The following CGGBP1 variants were observed in gnomAD, a reference collection of about 807,000 sequenced individuals.
The protein encoded by CGGBP1 is CGG triplet repeat binding protein 1, also known as CGG triplet repeat-binding protein 1.
A neutral mutation model predicts 11.4 loss-of-function variants in CGGBP1; 4 were observed. The observed-to-expected ratio is 0.35, with a 90% CI of 0.17 to 0.80. The LOEUF is 0.80. Among genes scored for constraint, CGGBP1 ranks in the 30% least tolerant of loss-of-function variants. The pLI, the probability that CGGBP1 is intolerant of heterozygous loss-of-function variation, is 0.52. For synonymous variants in CGGBP1, 76 were observed against 74.1 expected (o/e 1.03, Z -0.13); for missense variants, 135 against 202.1 (o/e 0.67, Z 2.01).
chr3:88,097,826 T>C (rs960737330), intron 2 of CGGBP1, among the ~76,000 whole-genome samples: 2 of 152,158 alleles, frequency 1.3e-5, no homozygotes, highest in Non-Finnish European at 2.9e-5. Flanking sequence ...GCGACACATT[T>C]AAAGCAGTGT....
intron 2 of CGGBP1, among the ~76,000 whole-genome samples, chr3:88,090,850 T>G (rs114726730): frequency 5.1e-4 from 77 of 152,210 alleles, no homozygotes; most frequent in African/African-American, 1.8e-3. Context: ...ACTGACGACA[T>G]CTGATAAGCT....
chr3:88,096,907 A>G (rs1160560238), intron 2 of CGGBP1, among the ~76,000 whole-genome samples: 1 of 152,128 alleles, frequency 6.6e-6, no homozygotes, highest in Non-Finnish European at 1.5e-5. Flanking sequence ...AAAACCTCAT[A>G]TTATCATTTT....
At chr3:88,135,677 G>A (rs770252551) in intron 2 of CGGBP1, among the ~76,000 whole-genome samples, 1 of 152,050 alleles carries the variant, frequency 6.6e-6, no homozygotes, top group Admixed American at 6.6e-5. Context: ...GTAAAAATGT[G>A]TTACCTCTTT....
chr3:88,077,391 T>C (rs1424425251), intron 2 of CGGBP1, among the ~76,000 whole-genome samples: 2 of 150,842 alleles, frequency 1.3e-5, no homozygotes, highest in Non-Finnish European at 2.9e-5. Context: ...TGGAGTACAG[T>C]GGCGCGATCT....
In CGGBP1 at chr3:88,109,386, T is replaced by A. The variant is rs118033995; in HGVS notation, c.-229+31584A>T. ...ATAGAAAGAGTTCTTAAAAGTTGAGTGTTTTAAATAAAATGTGGGTAAGAG... is the reference window on the plus strand; with the variant it reads ...ATAGAAAGAGTTCTTAAAAGTTGAGAGTTTTAAATAAAATGTGGGTAAGAG... On this transcript the variant is annotated intron_variant, in intron 2 of 3. Transcript: ENST00000462901. Among the ~76,000 whole-genome samples the A allele has an allele frequency of 6.2e-4, 94 of 152,154 alleles. No individual in the cohort carries two copies. In the East Asian group the frequency reaches 0.015, roughly 25 times the overall value.
chr3:88,053,814 T>C lies in CGGBP1; in HGVS notation c.*1659A>G, dbSNP rs1355536515. 6.6e-6 allele frequency: 1 copy of C among 152,614 alleles called. No individual in the cohort carries two copies. The highest frequency in any genetic ancestry group is 2.4e-5 in the African/African-American group (1 of 41,464). 9.5% of individuals were successfully genotyped at this position (152,614 alleles called of 1,614,324 possible). A position where few individuals can be genotyped will look rare whatever the true frequency, so the allele number is the denominator to read the frequency against. ...TTATGTTTTGCTGCTGGTCTCCTCA[T>C]ACATGTGCTTCATCAACGAGAGCAC... On this transcript the variant is annotated 3_prime_UTR_variant, in exon 4 of 4. Coordinates refer to ENST00000482016, the MANE Select transcript of CGGBP1 (RefSeq NM_001008390.2).
chr3:88,115,500 C>T (rs1234160802), intron 2 of CGGBP1, among the ~76,000 whole-genome samples: 1 of 152,138 alleles, frequency 6.6e-6, no homozygotes, highest in African/African-American at 2.4e-5. Flanking sequence ...GCAGTAGAGC[C>T]TGTCTGGTGA....
chr3:88,140,390 T>A (rs1707047012), intron 2 of CGGBP1: 3 of 1,613,170 alleles, frequency 1.9e-6, no homozygotes, highest in South Asian at 1.1e-5. Context: ...AGAAACAAAC[T>A]ATTAGTCTGC....
chr3:88,114,882 G>A (rs939341235), intron 2 of CGGBP1, among the ~76,000 whole-genome samples: 3 of 152,178 alleles, frequency 2.0e-5, no homozygotes, highest in African/African-American at 7.2e-5. Context: ...GACTGACACT[G>A]ATAATAGTGA....
chr3:88,053,447 TAA>T lies in CGGBP1; in HGVS notation c.*2024_*2025del, dbSNP rs1301672210. On this transcript the variant is annotated 3_prime_UTR_variant, in exon 4 of 4. Coordinates refer to ENST00000482016, the MANE Select transcript of CGGBP1 (RefSeq NM_001008390.2). ...AAAATACATTAAGATATATAAAATT[TAA>T]GTGATTATCAAATCAGTAGTAACTA... 1 of 152,142 alleles carries T rather than the reference TAA, an allele frequency of 6.6e-6. No individual in the cohort carries two copies. Among genetic ancestry groups the T allele is most frequent in the Non-Finnish European group, 1.5e-5 (1 of 67,976 alleles). 9.4% of individuals were successfully genotyped at this position (152,142 alleles called of 1,614,324 possible). A position where few individuals can be genotyped will look rare whatever the true frequency, so the allele number is the denominator to read the frequency against.
intron 2 of CGGBP1, among the ~76,000 whole-genome samples, chr3:88,094,894 T>A (rs1226010677): frequency 2.0e-5 from 3 of 151,890 alleles, no homozygotes; most frequent in Non-Finnish European, 4.4e-5. Context: ...AGAAAAAAAA[T>A]TACATGAAAT....
intron 2 of CGGBP1, among the ~76,000 whole-genome samples, chr3:88,067,767 A>G (rs926088838): frequency 5.9e-5 from 9 of 152,236 alleles, no homozygotes; most frequent in African/African-American, 2.2e-4. Context: ...AGGTTGGAGT[A>G]GTTCCAAGAG....
At chr3:88,125,764 T>C (rs1479201060) in intron 2 of CGGBP1, among the ~76,000 whole-genome samples, 1 of 152,196 alleles carries the variant, frequency 6.6e-6, no homozygotes, top group African/African-American at 2.4e-5. Context: ...CTTTTTCTTA[T>C]CAGGCTCTTG....
At chr3:88,059,619 A>C (rs1706726992), upstream of CGGBP1, 257 of 1,150,948 alleles carry the variant, frequency 2.2e-4, no homozygotes, top group East Asian at 1.0e-3. Context: ...CCTCCCCAAC[A>C]AGGAGGGTGA....
chr3:88,085,342 A>G (rs1708285583), intron 2 of CGGBP1, among the ~76,000 whole-genome samples: 1 of 152,234 alleles, frequency 6.6e-6, no homozygotes, highest in Non-Finnish European at 1.5e-5. Flanking sequence ...ACATAAATGG[A>G]TGAACCTGGT....
chr3:88,054,640 A>C lies in CGGBP1; in HGVS notation c.*833T>G, dbSNP rs916522170. 3 of 152,558 alleles carry C rather than the reference A, an allele frequency of 2.0e-5. No individual in the cohort carries two copies. Among genetic ancestry groups the C allele is most frequent in the African/African-American group, 7.2e-5 (3 of 41,390 alleles). 9.5% of individuals were successfully genotyped at this position (152,558 alleles called of 1,614,324 possible). On this transcript the variant is annotated 3_prime_UTR_variant, in exon 4 of 4. Coordinates refer to ENST00000482016, the MANE Select transcript of CGGBP1 (RefSeq NM_001008390.2). ...TCTATAATAAAGAGAAAACTCAACC[A>C]TAAAATGTCTGTTTAAGTAAAAATG...
At chr3:88,129,894 CTTTG>C (rs1157127518) in intron 2 of CGGBP1, 1 of 1,290,426 alleles carries the variant, frequency 7.7e-7, no homozygotes, top group Non-Finnish European at 1.0e-6. Flanking sequence ...GCAGTTTGAA[CTTTG>C]TTTTTTACAT....
chr3:88,140,579 T>C (rs201714530), intron 2 of CGGBP1: 21 of 1,613,690 alleles, frequency 1.3e-5, no homozygotes, highest in Non-Finnish European at 1.8e-5. Context: ...CTGAAAATAA[T>C]TGTAGTAGTA....
At chr3:88,079,235 C>G (rs541818406) in intron 2 of CGGBP1, among the ~76,000 whole-genome samples, 19 of 152,066 alleles carry the variant, frequency 1.2e-4, no homozygotes, top group African/African-American at 4.6e-4. Context: ...GTCTTATGTT[C>G]CATATTGGGA....
Sources: gnomAD v4.1 joint callset for allele counts (sites outside exome capture counted in the v4.1 genomes callset) on GRCh38, gnomAD v4.1.1 for gene constraint, MANE v1.5 for transcripts, NCBI Gene and HGNC (gene_info 2026-07-23, HGNC 2026-07-21) for gene names.